Variants in FSHR observed in about 807,000 individuals in gnomAD.
FSHR encodes the protein follicle stimulating hormone receptor.
A neutral mutation model predicts 52.1 loss-of-function variants in FSHR; 46 were observed. The observed-to-expected ratio is 0.88, with a 90% CI of 0.70 to 1.13. The LOEUF (loss-of-function observed/expected upper bound fraction) is 1.13. Among genes scored for constraint, FSHR ranks in the 50% most tolerant of loss-of-function variants. The pLI is 0.00. For synonymous variants in FSHR, 399 were observed against 309.6 expected, an observed-to-expected ratio of 1.29 and a Z score of -3.03; for missense variants, 964 against 834.6, an observed-to-expected ratio of 1.16 and a Z score of -1.91.
chr2:49,017,444 C>T (rs1326747917), intron 4 of FSHR, 45 bp downstream of exon 4: 5 of 1,418,124 alleles, frequency 3.5e-6, no homozygotes, highest in South Asian at 2.3e-5. Flanking sequence ...AATAGGCTTG[C>T]ACTATTTAAT....
rs1014207752 is a variant in FSHR at position 48,962,287 on chromosome 2, C to G, written c.*446G>C. 9.5e-6 allele frequency: 2 copies of G among 211,586 alleles called. No individual in the cohort carries two copies. The highest frequency in any genetic ancestry group is 2.4e-5 in the African/African-American group (1 of 42,342). 13.1% of individuals were successfully genotyped at this position (211,586 alleles called of 1,614,324 possible). A position where few individuals can be genotyped will look rare whatever the true frequency, so the allele number is the denominator to read the frequency against. On this transcript the variant is annotated 3_prime_UTR_variant, in exon 10 of 10. Transcript: ENST00000406846. ...AATGAATGAATACCATGGTGCTTCT[C>G]TGGGAAATTCTCTGGGAGTCGGAAT...
In FSHR at chr2:49,153,473, C is replaced by T. The variant is rs61125242; in HGVS notation, c.152+793G>A. On this transcript the variant is annotated intron_variant, in intron 1 of 9. Coordinates refer to ENST00000406846, the MANE Select transcript of FSHR (RefSeq NM_000145.4). ...ACAGTAGACTGTGAGTCAAAAGGCCCGATTTCTACTTTTGGCTCCATCTCA... is the reference window on the plus strand; with the variant it reads ...ACAGTAGACTGTGAGTCAAAAGGCCTGATTTCTACTTTTGGCTCCATCTCA... 3.6e-3 allele frequency among the ~76,000 whole-genome samples: 547 copies of T among 152,170 alleles called. 4 individuals are homozygous for T. Among genetic ancestry groups the T allele is most frequent in the African/African-American group, 0.013 (527 of 41,502 alleles).
At chr2:48,994,074 T>C (rs1002230092) in intron 4 of FSHR, among the ~76,000 whole-genome samples, 5 of 152,212 alleles carry the variant, frequency 3.3e-5, no homozygotes, top group Non-Finnish European at 5.9e-5. Flanking sequence ...GAAAACCCAA[T>C]GTTGGCACAG....
Position 49,020,094 on chromosome 2 carries a change from T to C in FSHR, c.291A>G (p.Leu97=). The change falls in exon 3 of 10, where the codon TTA becomes TTG. Residue 97 remains leucine (L), a synonymous_variant. Transcript: ENST00000406846. ...CCAATCTTCTTGCTTACATTTCATGTAATTTGGGAAGGTTGGAGAACACAT... is the reference window on the plus strand; with the variant it reads ...CCAATCTTCTTGCTTACATTTCATGCAATTTGGGAAGGTTGGAGAACACAT... The part of the protein sequence containing the change: ...EADVFSNLPK[L]HEIRIEKANN... 1 of 1,613,306 alleles carries C rather than the reference T, an allele frequency of 6.2e-7. No homozygotes were observed. The highest frequency in any genetic ancestry group is 8.5e-7 in the Non-Finnish European group (1 of 1,179,278).
intron 4 of FSHR, among the ~76,000 whole-genome samples, chr2:49,016,732 G>C (rs1572637882): frequency 6.6e-6 from 1 of 152,286 alleles, no homozygotes; most frequent in East Asian, 1.9e-4. Context: ...GTAGTGGTTG[G>C]TTGGTTATGC....
intron 8 of FSHR, among the ~76,000 whole-genome samples, chr2:48,969,428 A>C (rs768471346): frequency 3.9e-5 from 6 of 152,230 alleles, no homozygotes; most frequent in Non-Finnish European, 8.8e-5. Context: ...GTGGTTACGA[A>C]CTTGGCGTCT....
chr2:49,101,652 TTGTC>T (rs1438769795), intron 1 of FSHR, among the ~76,000 whole-genome samples: 1 of 152,148 alleles, frequency 6.6e-6, no homozygotes, highest in Non-Finnish European at 1.5e-5. Context: ...TCTTTGTCCA[TTGTC>T]TGTTGCTTAT....
At chr2:49,099,869 A>G (rs1274678002) in intron 1 of FSHR, among the ~76,000 whole-genome samples, 2 of 152,144 alleles carry the variant, frequency 1.3e-5, no homozygotes, top group African/African-American at 4.8e-5. Context: ...CTGTGAGAGA[A>G]TACATTTCTG....
chr2:49,059,602 C>A (rs1350634302), intron 2 of FSHR: 7 of 152,624 alleles, frequency 4.6e-5, no homozygotes, highest in African/African-American at 1.7e-4. Flanking sequence ...TAGGCTGGTG[C>A]AAAGGTAACT....
intron 2 of FSHR, among the ~76,000 whole-genome samples, chr2:49,020,375 T>A (rs1444230914): frequency 6.6e-6 from 1 of 152,176 alleles, no homozygotes. Context: ...AGGCTGTGGC[T>A]CACCTTGGAG....
At chr2:49,084,350 G>T (rs1231665704) in intron 1 of FSHR, among the ~76,000 whole-genome samples, 3 of 152,186 alleles carry the variant, frequency 2.0e-5, no homozygotes, top group African/African-American at 7.2e-5. Flanking sequence ...AAAGCAGTGT[G>T]TAGAGGGAAA....
rs908586781 is a variant in FSHR at position 49,023,105 on chromosome 2, C to T, written c.225-2945G>A. On this transcript the variant is annotated intron_variant, in intron 2 of 9. Coordinates refer to ENST00000406846, the MANE Select transcript of FSHR (RefSeq NM_000145.4). ...TATGCAGAGTGTGATAGAGGAGCTCCAGGAGAATGAAGTAGTTGGTTTAGA... is the reference window on the plus strand; with the variant it reads ...TATGCAGAGTGTGATAGAGGAGCTCTAGGAGAATGAAGTAGTTGGTTTAGA... Among the ~76,000 whole-genome samples, 4 of 152,150 alleles carry T rather than the reference C, an allele frequency of 2.6e-5. No homozygotes were observed. In the South Asian group the frequency reaches 8.3e-4, roughly 32 times the overall value.
chr2:48,996,306 T>A (rs1462287172), intron 4 of FSHR, among the ~76,000 whole-genome samples: 1 of 152,082 alleles, frequency 6.6e-6, no homozygotes, highest in Non-Finnish European at 1.5e-5. Flanking sequence ...CTTAACTATA[T>A]ACAGTTGATT....
intron 1 of FSHR, among the ~76,000 whole-genome samples, chr2:49,140,535 C>T (rs1672645393): frequency 6.6e-6 from 1 of 151,966 alleles, no homozygotes; most frequent in Admixed American, 6.6e-5. Context: ...GCAAGAATGG[C>T]CTAACACTAC....
At chr2:49,110,697 A>G (rs1671392930) in intron 1 of FSHR, among the ~76,000 whole-genome samples, 3 of 151,946 alleles carry the variant, frequency 2.0e-5, no homozygotes, top group Admixed American at 1.3e-4. Context: ...ACAATTTCCC[A>G]CTCTTGTCAG....
chr2:49,082,262 C>G (rs1311803941), intron 1 of FSHR, among the ~76,000 whole-genome samples: 1 of 152,134 alleles, frequency 6.6e-6, no homozygotes, highest in African/African-American at 2.4e-5. Context: ...GCCGGGTACT[C>G]CAACAGACCT....
At chr2:49,130,307 A>G (rs1206700071) in intron 1 of FSHR, among the ~76,000 whole-genome samples, 1 of 152,116 alleles carries the variant, frequency 6.6e-6, no homozygotes, top group African/African-American at 2.4e-5. Context: ...CATGTGTGGA[A>G]TCTCTGCTCT....
chr2:49,091,946 A>G (rs1365374373), intron 1 of FSHR, among the ~76,000 whole-genome samples: 3 of 152,238 alleles, frequency 2.0e-5, no homozygotes, highest in Non-Finnish European at 2.9e-5. Flanking sequence ...TAATTATGTT[A>G]ACCTACAGAT....
At chr2:49,026,020 A>T (rs1206876639) in intron 2 of FSHR, among the ~76,000 whole-genome samples, 3 of 152,220 alleles carry the variant, frequency 2.0e-5, no homozygotes, top group African/African-American at 7.2e-5. Flanking sequence ...TTACCTCCTC[A>T]GATGACAGCC....
Sources: allele counts gnomAD v4.1 joint callset (sites outside exome capture counted in the v4.1 genomes callset), GRCh38; gene constraint gnomAD v4.1.1; transcripts MANE v1.5; gene names NCBI Gene and HGNC (gene_info 2026-07-23, HGNC 2026-07-21).